The following UNC5C variants were observed in gnomAD, a reference collection of about 807,000 sequenced individuals.
UNC5C encodes the protein netrin receptor UNC5C.
UNC5C carries 47 observed loss-of-function variants against 99.8 expected under a neutral mutation model. The ratio of observed to expected loss-of-function variants is 0.47; its 90% CI spans 0.37 to 0.60. UNC5C has a LOEUF of 0.60. Ranked by LOEUF, UNC5C falls within the 20% of genes least tolerant of loss-of-function variation. The probability of loss-of-function intolerance (pLI) is 0.00; values close to 1 mark genes in which losing one functional copy is unlikely to be tolerated. For missense variants in UNC5C, 1,062 were observed against 1,165.9 expected, an observed-to-expected ratio of 0.91 and a Z score of 1.30; for synonymous variants, 487 against 452.2, an observed-to-expected ratio of 1.08 and a Z score of -0.98.
At chr4:95,391,290 C>T (rs1227435946) in intron 1 of UNC5C, among the ~76,000 whole-genome samples, 1 of 152,036 alleles carries the variant, frequency 6.6e-6, no homozygotes, top group East Asian at 1.9e-4. Context: ...TTGTAGGGAC[C>T]AAGTCTCACT....
chr4:95,455,778 A>T (rs1158013096), intron 1 of UNC5C, among the ~76,000 whole-genome samples: 2 of 152,080 alleles, frequency 1.3e-5, no homozygotes, highest in African/African-American at 4.8e-5. Flanking sequence ...TGTCCTTGAG[A>T]TATTAGTTCA....
chr4:95,433,957 G>T (rs917675990), intron 1 of UNC5C, among the ~76,000 whole-genome samples: 1 of 151,848 alleles, frequency 6.6e-6, no homozygotes, highest in Admixed American at 6.6e-5. Context: ...CCTCATCTTC[G>T]ATCATCACTT....
chr4:95,532,713 A>C (rs1389879779), intron 1 of UNC5C, among the ~76,000 whole-genome samples: 1 of 152,140 alleles, frequency 6.6e-6, no homozygotes, highest in Non-Finnish European at 1.5e-5. Context: ...GTAAGTGAGC[A>C]AGGTGGCTTG....
At chr4:95,200,699 A>AATT (rs1407686897) in intron 12 of UNC5C, among the ~76,000 whole-genome samples, 1 of 152,188 alleles carries the variant, frequency 6.6e-6, no homozygotes, top group Non-Finnish European at 1.5e-5. Flanking sequence ...TGTGGATAAC[A>AATT]ATTATCAACA....
At chr4:95,323,975 G>T (rs1190305689) in intron 2 of UNC5C, among the ~76,000 whole-genome samples, 2 of 152,096 alleles carry the variant, frequency 1.3e-5, no homozygotes, top group Admixed American at 1.3e-4. Context: ...GGCGGAGGTT[G>T]CAGTGAGCCG....
intron 3 of UNC5C, among the ~76,000 whole-genome samples, chr4:95,284,746 T>G (rs1741174578): frequency 1.3e-5 from 2 of 152,200 alleles, no homozygotes; most frequent in South Asian, 4.1e-4. Flanking sequence ...AAACTAATTG[T>G]CTGTCTCCAT....
At chr4:95,259,039 G>A (rs1740120817) in intron 4 of UNC5C, among the ~76,000 whole-genome samples, 2 of 151,844 alleles carry the variant, frequency 1.3e-5, no homozygotes, top group Non-Finnish European at 2.9e-5. Context: ...GGGATTACAG[G>A]CGTGAGCCAC....
chr4:95,200,717 G>GTT (rs1737622189), intron 12 of UNC5C, among the ~76,000 whole-genome samples: 1 of 152,100 alleles, frequency 6.6e-6, no homozygotes, highest in South Asian at 2.1e-4. Flanking sequence ...ACATAACGTA[G>GTT]TTGGTTTCTG....
chr4:95,426,673 G>A (rs2149458694), intron 1 of UNC5C, among the ~76,000 whole-genome samples: 1 of 152,290 alleles, frequency 6.6e-6, no homozygotes, highest in Middle Eastern at 3.4e-3. Flanking sequence ...CAGCCTCATT[G>A]TTGATACACA....
intron 1 of UNC5C, among the ~76,000 whole-genome samples, chr4:95,344,943 C>A (rs925151665): frequency 6.6e-6 from 1 of 151,894 alleles, no homozygotes. Flanking sequence ...GAGAAGATGA[C>A]TGCAAAACAA....
At chr4:95,521,011 G>T (rs1248669630) in intron 1 of UNC5C, among the ~76,000 whole-genome samples, 1 of 151,868 alleles carries the variant, frequency 6.6e-6, no homozygotes, top group East Asian at 1.9e-4. Context: ...TCTTAAATGG[G>T]TTCAGGCTGC....
chr4:95,441,596 T>C (rs2149463682), intron 1 of UNC5C, among the ~76,000 whole-genome samples: 2 of 152,262 alleles, frequency 1.3e-5, no homozygotes, highest in Middle Eastern at 6.8e-3. Flanking sequence ...GTTTTGGAGA[T>C]CTTGCAAAAA....
intron 4 of UNC5C, among the ~76,000 whole-genome samples, chr4:95,254,651 AAG>A (rs932999397): frequency 2.0e-5 from 3 of 152,208 alleles, no homozygotes; most frequent in African/African-American, 7.2e-5. Context: ...GCATCCTAGT[AAG>A]AACTTCAGGG....
At chr4:95,330,912 C>T (rs919140503) in intron 2 of UNC5C, among the ~76,000 whole-genome samples, 2 of 151,906 alleles carry the variant, frequency 1.3e-5, no homozygotes, top group African/African-American at 2.4e-5. Context: ...GTATCCATCA[C>T]CTGAATAACA....
intron 4 of UNC5C, among the ~76,000 whole-genome samples, chr4:95,251,986 T>C (rs951933192): frequency 6.6e-6 from 1 of 152,212 alleles, no homozygotes; most frequent in Non-Finnish European, 1.5e-5. Flanking sequence ...ACATTCTTGA[T>C]ATTTGCACTC....
intron 12 of UNC5C, among the ~76,000 whole-genome samples, chr4:95,190,881 C>A (rs759321663): frequency 6.6e-6 from 1 of 152,200 alleles, no homozygotes; most frequent in Non-Finnish European, 1.5e-5. Flanking sequence ...TTCAGGGAGC[C>A]TGTGAGGGAT....
At chr4:95,367,318 A>C (rs1476880349) in intron 1 of UNC5C, among the ~76,000 whole-genome samples, 1 of 151,322 alleles carries the variant, frequency 6.6e-6, no homozygotes, top group Non-Finnish European at 1.5e-5. Context: ...ATGGGCGTAC[A>C]CCACCATGCC....
At chr4:95,305,742 G>T (rs1466487473) in intron 2 of UNC5C, among the ~76,000 whole-genome samples, 1 of 152,142 alleles carries the variant, frequency 6.6e-6, no homozygotes, top group African/African-American at 2.4e-5. Flanking sequence ...CCAGAGTGCA[G>T]GAAAGTAATT....
chr4:95,246,476 C>T lies in UNC5C; in HGVS notation c.776-1332G>A, dbSNP rs374070384. On this transcript the variant is annotated intron_variant, in intron 5 of 15. Coordinates refer to ENST00000453304, the MANE Select transcript of UNC5C (RefSeq NM_003728.4). The stretch of plus-strand genomic sequence containing the variant: ...CTCAGGAGGCTGGGGCAGAAGGATC[C>T]CTTGAGCCCAGGAGTAGAGGCTGCA... Among the ~76,000 whole-genome samples the T allele has an allele frequency of 3.9e-4, 59 of 151,928 alleles. No homozygotes were observed. In the South Asian group the frequency reaches 0.011, roughly 30 times the overall value.
Sources: allele counts gnomAD v4.1 joint callset (sites outside exome capture counted in the v4.1 genomes callset), GRCh38; gene constraint gnomAD v4.1.1; transcripts MANE v1.5; gene names NCBI Gene and HGNC (gene_info 2026-07-23, HGNC 2026-07-21).